The following ARMH4 variants were observed in gnomAD, a reference collection of about 807,000 sequenced individuals.
ARMH4 encodes armadillo-like helical domain-containing protein 4.
In ARMH4, 49 loss-of-function variants were observed where a neutral mutation model predicts 61.9. That is an observed-to-expected ratio of 0.79 (90% CI 0.63 to 1.00). The LOEUF is 1.00. ARMH4 is among the 50% of genes least tolerant of loss of function. ARMH4 has a pLI of 0.00. For synonymous variants in ARMH4, 368 were observed against 341.5 expected (o/e 1.08, Z -0.85); for missense variants, 934 against 930.0 (o/e 1.00, Z -0.06).
intron 5 of ARMH4, among the ~76,000 whole-genome samples, chr14:58,029,613 C>A (rs1213806408): frequency 6.6e-6 from 1 of 152,092 alleles, no homozygotes; most frequent in Non-Finnish European, 1.5e-5. Context: ...TGCTGAACAT[C>A]ATGAGGCATT....
intron 5 of ARMH4, among the ~76,000 whole-genome samples, chr14:58,087,197 A>G (rs1486499928): frequency 6.6e-6 from 1 of 152,148 alleles, no homozygotes; most frequent in Non-Finnish European, 1.5e-5. Flanking sequence ...AATTCTTTTG[A>G]ATTTCAAAAA....
chr14:58,100,347 A>C (rs959737519), intron 4 of ARMH4, among the ~76,000 whole-genome samples: 1 of 152,202 alleles, frequency 6.6e-6, no homozygotes, highest in African/African-American at 2.4e-5. Context: ...ATATATCTAA[A>C]GTGAGACCTG....
At chr14:58,115,439 T>C (rs1886486493) in intron 4 of ARMH4, among the ~76,000 whole-genome samples, 1 of 152,130 alleles carries the variant, frequency 6.6e-6, no homozygotes, top group Admixed American at 6.5e-5. Flanking sequence ...CTGGTGAGGT[T>C]ATAGAAAAAA....
At chr14:58,136,580 C>T (rs897117617) in intron 2 of ARMH4, among the ~76,000 whole-genome samples, 1 of 152,100 alleles carries the variant, frequency 6.6e-6, no homozygotes, top group African/African-American at 2.4e-5. Context: ...TGATCTTTCA[C>T]CATTTTAATT....
chr14:58,111,020 C>T (rs1886337888), intron 4 of ARMH4, among the ~76,000 whole-genome samples: 3 of 151,866 alleles, frequency 2.0e-5, no homozygotes, highest in Non-Finnish European at 4.4e-5. Context: ...TCCCAAAGTG[C>T]TGGGATTACA....
rs1249123997 is a variant in ARMH4, at chr14:58,005,179, C to A, written c.2125G>T (p.Gly709Cys). ...SWMEKLKDKA[G>C]YMSGMLVPVG... is the part of the protein sequence containing the mutation. The stretch of plus-strand genomic sequence containing the variant: ...GGCACCAGCATCCCAGACATGTAAC[C>A]AGCCTGCATAGAAAAGGAAACACAC... The change falls in exon 7 of 8, where the codon GGT becomes TGT. Residue 709 changes from glycine (G) to cysteine (C), a missense_variant. Coordinates refer to ENST00000267485, the MANE Select transcript of ARMH4 (RefSeq NM_001001872.4). 1 of 1,613,816 alleles carries A rather than the reference C, an allele frequency of 6.2e-7. No individual in the cohort carries two copies. Among genetic ancestry groups the A allele is most frequent in the Non-Finnish European group, 8.5e-7 (1 of 1,179,912 alleles).
chr14:58,139,527 G>A, intron 1 of ARMH4, 113 bp from the exon 2 acceptor site: 1 of 649,602 alleles, frequency 1.5e-6, no homozygotes, highest in East Asian at 2.7e-5. Context: ...ACACAGAGAT[G>A]GTAGGTAGGA....
At chr14:58,086,181 T>C (rs12433262) in intron 5 of ARMH4, among the ~76,000 whole-genome samples, 63,403 of 151,718 alleles carry the variant, frequency 0.42, 13,564 homozygotes, top group Non-Finnish European at 0.47. Flanking sequence ...GATTTTCCTC[T>C]GATTCAGCGG....
At chr14:58,054,883 A>AAAAAATAAT (rs374230526) in intron 5 of ARMH4, among the ~76,000 whole-genome samples, 2 of 138,446 alleles carry the variant, frequency 1.4e-5, no homozygotes, top group Non-Finnish European at 3.1e-5. Context: ...AAAAAAAAAA[A>AAAAAATAAT]AATAATAATA....
intron 5 of ARMH4, among the ~76,000 whole-genome samples, chr14:58,047,428 T>C (rs1883979949): frequency 6.6e-6 from 1 of 152,218 alleles, no homozygotes; most frequent in Non-Finnish European, 1.5e-5. Context: ...GTGTTAACTG[T>C]GTAGCAGACA....
Position 58,116,507 on chromosome 14 carries a change from T to C in ARMH4, c.1831+15005A>G, listed in dbSNP as rs549413529. The C allele has an allele frequency of 2.4e-4, 58 of 243,842 alleles. 1 individual carries two copies. Among genetic ancestry groups the C allele is most frequent in the Middle Eastern group, 2.9e-3 (2 of 680 alleles). 15.1% of individuals were successfully genotyped at this position (243,842 alleles called of 1,614,324 possible). On this transcript the variant is annotated intron_variant, in intron 4 of 7. Coordinates refer to ENST00000267485, the MANE Select transcript of ARMH4 (RefSeq NM_001001872.4). ...CTGGGCAACATGGTGAAACCCCGTC[T>C]CTACAAAAAAATACAAAAGTTGGCT...
chr14:58,143,847 C>T (rs1482357072), intron 1 of ARMH4, among the ~76,000 whole-genome samples: 1 of 148,054 alleles, frequency 6.8e-6, no homozygotes, highest in African/African-American at 2.5e-5. Context: ...GATCTCAGCT[C>T]ACTGCTCCCT....
chr14:58,096,474 A>G (rs1446101223), intron 5 of ARMH4, among the ~76,000 whole-genome samples: 1 of 152,192 alleles, frequency 6.6e-6, no homozygotes, highest in Non-Finnish European at 1.5e-5. Flanking sequence ...GACTGTTTGG[A>G]GCCTGGCTAC....
At chr14:58,044,492 A>G (rs4530051) in intron 5 of ARMH4, among the ~76,000 whole-genome samples, 76,032 of 151,964 alleles carry the variant, frequency 0.5, 19,181 homozygotes, top group East Asian at 0.68. Flanking sequence ...TTAAATGTTA[A>G]ACCTAAAACC....
chr14:58,136,426 G>C (rs1887302720), intron 2 of ARMH4, among the ~76,000 whole-genome samples: 1 of 152,084 alleles, frequency 6.6e-6, no homozygotes, highest in Admixed American at 6.5e-5. Flanking sequence ...AGGTCTTCAT[G>C]GCCATGTGCA....
At chr14:58,032,233 T>A (rs912291999) in intron 5 of ARMH4, among the ~76,000 whole-genome samples, 1 of 152,204 alleles carries the variant, frequency 6.6e-6, no homozygotes, top group East Asian at 1.9e-4. Flanking sequence ...AGAGAAGGCC[T>A]GGCATGCAGA....
intron 4 of ARMH4, among the ~76,000 whole-genome samples, chr14:58,103,342 T>C (rs1169096707): frequency 1.3e-5 from 2 of 152,062 alleles, no homozygotes; most frequent in African/African-American, 2.4e-5. Flanking sequence ...TGGAAATTAA[T>C]AGATTGGTGC....
intron 4 of ARMH4, among the ~76,000 whole-genome samples, chr14:58,125,651 A>G (rs1223462850): frequency 6.6e-6 from 1 of 152,310 alleles, no homozygotes; most frequent in South Asian, 2.1e-4. Context: ...AGACCCCTGG[A>G]CTGGCCTGCT....
intron 1 of ARMH4, among the ~76,000 whole-genome samples, chr14:58,151,706 G>A (rs1594788624): frequency 6.6e-6 from 1 of 152,316 alleles, no homozygotes; most frequent in Admixed American, 6.5e-5. Flanking sequence ...GTGGGATTGC[G>A]AGCGGAGGGA....
Sources: allele counts gnomAD v4.1 joint callset (sites outside exome capture counted in the v4.1 genomes callset), GRCh38; gene constraint gnomAD v4.1.1; transcripts MANE v1.5; gene names NCBI Gene and HGNC (gene_info 2026-07-23, HGNC 2026-07-21).